The following GIPC1 variants were observed in gnomAD, a reference collection of about 807,000 sequenced individuals.
The protein encoded by GIPC1 is GIPC PDZ domain containing family member 1.
Under a neutral mutation model 28.5 loss-of-function variants are expected in GIPC1, and 15 were observed. The ratio of observed to expected loss-of-function variants is 0.53; its 90% CI spans 0.35 to 0.81. The LOEUF is 0.81. Ranked by LOEUF, GIPC1 falls within the 30% of genes least tolerant of loss-of-function variation. GIPC1 has a pLI of 0.01. For synonymous variants in GIPC1, 224 were observed against 206.1 expected (o/e 1.09, Z -0.74); for missense variants, 439 against 481.9 (o/e 0.91, Z 0.83).
At position 14,478,863 on chromosome 19, in the gene GIPC1, T is replaced by C. The variant is rs548838786; in HGVS notation, c.769-98A>G. 5.4e-6 allele frequency: 5 copies of C among 931,348 alleles called. No individual in the cohort carries two copies. In the Admixed American group the frequency reaches 7.0e-5, roughly 13 times the overall value. The allele number at this position is 931,348 out of a possible 1,614,324, so 57.7% of individuals were successfully genotyped here. A position where few individuals can be genotyped will look rare whatever the true frequency, so the allele number is the denominator to read the frequency against. On this transcript the variant is annotated intron_variant, in intron 7 of 8. Transcript: ENST00000393033. The surrounding 1 kb of genome is among the most constrained non-coding windows in gnomAD (Gnocchi z 5.2). ...TGTCACCACTTTACATATATTCGTA[T>C]TTAGACCTCAGGACAACCCTGAGAA...
At position 14,479,447 on chromosome 19, in the gene GIPC1, G is replaced by T; in HGVS notation, c.733C>A (p.Leu245Ile). 7.0e-7 allele frequency: 1 copy of T among 1,430,218 alleles called. No individual in the cohort carries two copies. Among genetic ancestry groups the T allele is most frequent in the Non-Finnish European group, 9.2e-7 (1 of 1,092,320 alleles). The allele number at this position is 1,430,218 out of a possible 1,614,324, so 88.6% of individuals were successfully genotyped here. The part of the protein sequence containing the change: ...QLGTGRGTLR[L>I]RSRGPATVED... ...ACCGTGGCGGGGCCCCGGGATCGGA[G>T]CCGCAGGGTCCCTCGGCCAGTGCCC... Residue 245 changes from leucine (L) to isoleucine (I), a missense_variant, in exon 7 of 9, where the codon CTC (leucine) becomes ATC (isoleucine). Leu to Ile is a conservative substitution (Grantham distance 5, BLOSUM62 2). Coordinates refer to ENST00000393033, the MANE Select transcript of GIPC1 (RefSeq NM_005716.4).
chr19:14,487,352 C>T (rs181725621), intron 3 of GIPC1, among the ~76,000 whole-genome samples: 111 of 151,962 alleles, frequency 7.3e-4, no homozygotes, highest in African/African-American at 2.5e-3. Context: ...CCTGCCTCAG[C>T]CTCCCAGGTA....
intron 1 of GIPC1, among the ~76,000 whole-genome samples, chr19:14,494,233 C>A (rs1259656123): frequency 6.6e-6 from 1 of 152,138 alleles, no homozygotes; most frequent in African/African-American, 2.4e-5. Flanking sequence ...GCTGGGATTA[C>A]AGGGGTGAGC....
At chr19:14,487,685 C>CTTTTTTTTTTTTTTTTTTTTT (rs34048955) in intron 3 of GIPC1, among the ~76,000 whole-genome samples, 1 of 130,452 alleles carries the variant, frequency 7.7e-6, no homozygotes. Flanking sequence ...CTTTATTTTC[C>CTTTTTTTTTTTTTTTTTTTTT]TTTTTTTTTT....
At chr19:14,480,276 C>A in intron 6 of GIPC1, 29 bp downstream of exon 6, 2 of 1,594,160 alleles carry the variant, frequency 1.3e-6, no homozygotes, top group African/African-American at 2.7e-5. Flanking sequence ...AGCAGCGCCA[C>A]TGGGGAGGTC....
At position 14,478,256 on chromosome 19, in the gene GIPC1, T is replaced by G. The variant is rs76301301; in HGVS notation, c.*160A>C. ...GGAACCAGGGAGGGGATGGTACCGA[T>G]TGGAGCGGGGCAGGGGGCCTGGCCC... On this transcript the variant is annotated 3_prime_UTR_variant, in exon 9 of 9. Transcript: ENST00000393033. This position sits in a 1 kb window ranked among gnomAD's most constrained non-coding sequence, Gnocchi z 5.2. 0.17 allele frequency: 116,530 copies of G among 698,564 alleles called. 10,835 individuals carry two copies. The highest frequency in any genetic ancestry group is 0.24 in the East Asian group (8,529 of 36,134). 43.3% of individuals were successfully genotyped at this position (698,564 alleles called of 1,614,324 possible).
At chr19:14,489,310 T>C (rs904968200) in intron 3 of GIPC1, 1 of 757,550 alleles carries the variant, frequency 1.3e-6, no homozygotes, top group African/African-American at 1.7e-5. Flanking sequence ...AGGCACAAGA[T>C]GCTGGGCCTA....
chr19:14,494,830 G>A (rs1228762657), intron 1 of GIPC1, among the ~76,000 whole-genome samples: 7 of 152,128 alleles, frequency 4.6e-5, no homozygotes, highest in Non-Finnish European at 7.3e-5. Context: ...CTTCAGCCCG[G>A]ATATTGAGTG....
chr19:14,487,826 G>A (rs974899662), intron 3 of GIPC1, among the ~76,000 whole-genome samples: 2 of 151,678 alleles, frequency 1.3e-5, no homozygotes, highest in African/African-American at 4.9e-5. Flanking sequence ...ACAGGTGCTT[G>A]CCACCATGCC....
At chr19:14,481,719 C>CAAAAAAAA (rs58761750) in intron 4 of GIPC1, 2 of 87,402 alleles carry the variant, frequency 2.3e-5, no homozygotes, top group South Asian at 5.3e-4. Context: ...GACTCCATCT[C>CAAAAAAAA]AAAAAAAAAA....
rs1422301147 is a variant in GIPC1 at position 14,480,480 on chromosome 19, G to A, written c.480C>T (p.Ile160=). ...NGAGYAFIKR[I]KEGSVIDHIH... is the part of the protein sequence containing the mutation. The stretch of plus-strand genomic sequence containing the variant: ...TGTGGTCGATCACGCTGCCCTCCTT[G>A]ATGCGCTGCGGGGGCGGGGAGTCAT... Residue 160 remains isoleucine (I), a synonymous_variant, in exon 6 of 9, where the codon ATC becomes ATT. Coordinates refer to ENST00000393033, the MANE Select transcript of GIPC1 (RefSeq NM_005716.4). 4.3e-6 allele frequency: 7 copies of A among 1,610,868 alleles called. No individual in the cohort carries two copies. Among genetic ancestry groups the A allele is most frequent in the African/African-American group, 2.7e-5 (2 of 74,894 alleles).
intron 4 of GIPC1, 45 bp from the exon 5 acceptor site, chr19:14,480,823 C>T (rs2071713950): frequency 3.6e-6 from 5 of 1,383,190 alleles, no homozygotes; most frequent in East Asian, 4.6e-5. Context: ...CTCCCTCCCC[C>T]TTTTCTAATC....
intron 3 of GIPC1, among the ~76,000 whole-genome samples, chr19:14,488,856 G>A (rs2071902409): frequency 6.6e-6 from 1 of 151,554 alleles, no homozygotes; most frequent in South Asian, 2.1e-4. Context: ...AGGAGGCCTG[G>A]GGGGTTGGAA....
At chr19:14,485,684 A>AATATATATATAT (rs141749727) in intron 3 of GIPC1, among the ~76,000 whole-genome samples, 2,286 of 71,094 alleles carry the variant, frequency 0.032, 56 homozygotes, top group Non-Finnish European at 0.043. Context: ...TAAATAAACA[A>AATATATATATAT]ATATATATAT....
intron 3 of GIPC1, among the ~76,000 whole-genome samples, chr19:14,489,914 A>G (rs896697847): frequency 3.4e-4 from 51 of 151,724 alleles, no homozygotes; most frequent in African/African-American, 1.2e-3. Context: ...AAAGAAACTC[A>G]TGCTAAAATT....
chr19:14,485,658 A>T lies in GIPC1; in HGVS notation c.-30-2652T>A, dbSNP rs571646561. Among the ~76,000 whole-genome samples the T allele has an allele frequency of 3.3e-3, 475 of 143,802 alleles. 5 individuals are homozygous for T. The highest frequency in any genetic ancestry group is 0.012 in the African/African-American group (457 of 38,988). The allele number at this position is 143,802 out of a possible 152,430, so 94.3% of individuals were successfully genotyped here. A position where few individuals can be genotyped will look rare whatever the true frequency, so the allele number is the denominator to read the frequency against. On this transcript the variant is annotated intron_variant, in intron 3 of 8. Coordinates refer to ENST00000393033, the MANE Select transcript of GIPC1 (RefSeq NM_005716.4). ...GTGACAGAGATAGACTCCGTCTCAA[A>T]AAATAAATAAATAAATAAATAAACA...
chr19:14,491,390 C>A (rs894750652), intron 3 of GIPC1, among the ~76,000 whole-genome samples: 1 of 152,030 alleles, frequency 6.6e-6, no homozygotes, highest in Non-Finnish European at 1.5e-5. Flanking sequence ...TCCTGAGTAG[C>A]TGGGATTACA....
chr19:14,482,988 A>T lies in GIPC1; in HGVS notation c.-12T>A. 6.2e-7 allele frequency: 1 copy of T among 1,607,576 alleles called. No homozygotes were observed. The highest frequency in any genetic ancestry group is 8.5e-7 in the Non-Finnish European group (1 of 1,179,242). ...AGTCCCAGCGGCATGAGCAGCGAGA[A>T]GTGGGGTCACCAGAAGATCTGCAGG... On this transcript the variant is annotated 5_prime_UTR_variant, in exon 4 of 9. Coordinates refer to ENST00000393033, the MANE Select transcript of GIPC1 (RefSeq NM_005716.4).
In GIPC1 at chr19:14,480,250, C is replaced by T. The variant is rs1317298187; in HGVS notation, c.655+55G>A. 5.3e-6 allele frequency: 8 copies of T among 1,495,378 alleles called. No homozygotes were observed. In the East Asian group the frequency reaches 1.1e-4, roughly 21 times the overall value. 92.6% of individuals were successfully genotyped at this position (1,495,378 alleles called of 1,614,324 possible). A position where few individuals can be genotyped will look rare whatever the true frequency, so the allele number is the denominator to read the frequency against. On this transcript the variant is annotated intron_variant, in intron 6 of 8. Coordinates refer to ENST00000393033, the MANE Select transcript of GIPC1 (RefSeq NM_005716.4). Reference sequence around the variant, plus strand: ...ACCTGCTGGCCGCTCCCGGCACCACCGCCTGCGCCCATGCGAGCAGCGCCA... The same window carrying T: ...ACCTGCTGGCCGCTCCCGGCACCACTGCCTGCGCCCATGCGAGCAGCGCCA...
Sources: gnomAD v4.1 joint callset for allele counts (sites outside exome capture counted in the v4.1 genomes callset) on GRCh38, gnomAD v4.1.1 for gene constraint, Gnocchi (gnomAD v3.1) non-coding constraint, MANE v1.5 for transcripts, NCBI Gene and HGNC (gene_info 2026-07-23, HGNC 2026-07-21) for gene names.